GEMIN2: variants seen among roughly 807,000 people sequenced by gnomAD.
GEMIN2 encodes the protein gem nuclear organelle associated protein 2.
In GEMIN2, 37 loss-of-function variants were observed where a neutral mutation model predicts 45.8. That is an observed-to-expected ratio of 0.81 (90% confidence interval 0.62 to 1.06). The LOEUF (loss-of-function observed/expected upper bound fraction) is 1.06, where lower values mean the gene tolerates loss of function less well. GEMIN2 is among the 50% of genes least tolerant of loss of function. GEMIN2 has a pLI of 0.00. For synonymous variants in GEMIN2, 101 were observed against 111.5 expected, an observed-to-expected ratio of 0.91 and a Z score of 0.60; for missense variants, 335 against 321.8, an observed-to-expected ratio of 1.04 and a Z score of -0.31.
intron 8 of GEMIN2, 86 bp from the exon 9 acceptor site, chr14:39,133,575 G>A: frequency 1.5e-6 from 1 of 659,462 alleles, no homozygotes; most frequent in Non-Finnish European, 2.4e-6. Context: ...AAGTTTTCAT[G>A]TTTCGTGTTT....
At chr14:39,133,771 T>A in intron 9 of GEMIN2, 52 bp downstream of exon 9, 1 of 984,760 alleles carries the variant, frequency 1.0e-6, no homozygotes, top group East Asian at 2.7e-5. Context: ...TCAGTGAGGT[T>A]AGATCGTATT....
intron 5 of GEMIN2, among the ~76,000 whole-genome samples, chr14:39,123,003 T>C (rs994303593): frequency 2.0e-5 from 3 of 152,124 alleles, no homozygotes; most frequent in Admixed American, 6.6e-5. Flanking sequence ...TCGACACAAT[T>C]AGATGCTTTA....
intron 7 of GEMIN2, among the ~76,000 whole-genome samples, chr14:39,131,579 AT>A (rs1331287782): frequency 6.6e-6 from 1 of 152,246 alleles, no homozygotes; most frequent in Non-Finnish European, 1.5e-5. Context: ...AAATTATACA[AT>A]TATAAAATGA....
chr14:39,121,407 G>C (rs532704905), intron 4 of GEMIN2, among the ~76,000 whole-genome samples: 2 of 152,290 alleles, frequency 1.3e-5, no homozygotes, highest in African/African-American at 4.8e-5. Context: ...GGTGGCACAT[G>C]CCTGTAGTCC....
chr14:39,123,387 C>T (rs1424180222), intron 5 of GEMIN2, among the ~76,000 whole-genome samples: 1 of 151,776 alleles, frequency 6.6e-6, no homozygotes, highest in Non-Finnish European at 1.5e-5. Context: ...AAAAAATAGC[C>T]AAAGGATATA....
chr14:39,118,563 C>G lies in GEMIN2; in HGVS notation c.336C>G (p.His112Gln), dbSNP rs2052538021. Residue 112 changes from histidine (H) to glutamine (Q), a missense_variant, in exon 4 of 10, where the codon CAC becomes CAG. Transcript: ENST00000308317. ...VRQNVNKHRS[H>Q]WKSQQLDSNV... ...AGAATGTGAACAAACATAGAAGTCA[C>G]TGGAAATCACAACAGTTGGATAGTA... is the stretch of plus-strand genomic sequence containing the variant. 1 of 1,505,336 alleles carries G rather than the reference C, an allele frequency of 6.6e-7. No individual in the cohort carries two copies. Among genetic ancestry groups the G allele is most frequent in the Middle Eastern group, 1.8e-4 (1 of 5,696 alleles). 93.2% of individuals were successfully genotyped at this position (1,505,336 alleles called of 1,614,324 possible).
chr14:39,133,740 C>T, intron 9 of GEMIN2, 21 bp downstream of exon 9: 2 of 1,353,772 alleles, frequency 1.5e-6, no homozygotes, highest in Non-Finnish European at 2.0e-6. Context: ...TCCTTGGCTT[C>T]TTTATTATTT....
At chr14:39,125,404 T>C (rs2052626470) in intron 6 of GEMIN2, among the ~76,000 whole-genome samples, 1 of 152,144 alleles carries the variant, frequency 6.6e-6, no homozygotes, top group South Asian at 2.1e-4. Context: ...GGGTTTGAAT[T>C]AAATACAAGG....
At chr14:39,135,375 C>G (rs192190386) in intron 9 of GEMIN2, among the ~76,000 whole-genome samples, 20 of 152,104 alleles carry the variant, frequency 1.3e-4, no homozygotes, top group Admixed American at 3.9e-4. Flanking sequence ...CACCTTAAGT[C>G]AGGAGTTCAA....
intron 6 of GEMIN2, 110 bp from the exon 7 acceptor site, chr14:39,128,170 G>A: frequency 1.5e-6 from 1 of 671,430 alleles, no homozygotes; most frequent in Non-Finnish European, 2.6e-6. Context: ...TAAAGAATGA[G>A]GCCATTTTTA....
intron 2 of GEMIN2, among the ~76,000 whole-genome samples, chr14:39,115,189 T>C (rs1411226414): frequency 6.6e-6 from 1 of 151,766 alleles, no homozygotes; most frequent in Non-Finnish European, 1.5e-5. Context: ...GTTACTTATG[T>C]TATCTTTTAT....
At chr14:39,126,849 T>G (rs1202633515) in intron 6 of GEMIN2, among the ~76,000 whole-genome samples, 1 of 152,154 alleles carries the variant, frequency 6.6e-6, no homozygotes, top group Non-Finnish European at 1.5e-5. Context: ...CACTGCAACC[T>G]CCACCTCCCA....
intron 6 of GEMIN2, among the ~76,000 whole-genome samples, chr14:39,125,744 G>A (rs538322453): frequency 3.9e-5 from 6 of 152,164 alleles, no homozygotes; most frequent in Non-Finnish European, 5.9e-5. Context: ...AATATGGGCC[G>A]GGCGCGGTGG....
At chr14:39,128,482 T>TTTA in intron 7 of GEMIN2, 134 bp downstream of exon 7, 5 of 373,584 alleles carry the variant, frequency 1.3e-5, no homozygotes, top group African/African-American at 3.0e-5. Context: ...CTTTTTTTCT[T>TTTA]TTCTTTTTTT....
At chr14:39,122,409 G>GTTT (rs60205535) in intron 4 of GEMIN2, 21 bp from the exon 5 acceptor site, 1,600 of 1,025,546 alleles carry the variant, frequency 1.6e-3, no homozygotes, top group South Asian at 2.1e-3. Context: ...GAATAAATCA[G>GTTT]TTTTTTTTTT....
At chr14:39,129,714 G>GTATTTA (rs141019954) in intron 7 of GEMIN2, among the ~76,000 whole-genome samples, 35 of 151,642 alleles carry the variant, frequency 2.3e-4, no homozygotes, top group Admixed American at 7.3e-4. Flanking sequence ...CACCCAGCCA[G>GTATTTA]TATTTATATT....
chr14:39,114,983 T>TCCCC, intron 2 of GEMIN2, 70 bp downstream of exon 2: 2 of 765,176 alleles, frequency 2.6e-6, no homozygotes, highest in Non-Finnish European at 4.7e-6. Context: ...CTTCCTATAG[T>TCCCC]ATCTGACAGC....
At chr14:39,115,737 G>A (rs936083777) in intron 2 of GEMIN2, among the ~76,000 whole-genome samples, 12 of 152,090 alleles carry the variant, frequency 7.9e-5, no homozygotes, top group African/African-American at 2.7e-4. Context: ...TTACAGGTGT[G>A]AGCCACCATA....
In GEMIN2 at chr14:39,128,271, T is replaced by A. The variant is rs752581858; in HGVS notation, c.532-9T>A. 3.3e-6 allele frequency: 5 copies of A among 1,504,124 alleles called. No individual in the cohort carries two copies. The highest frequency in any genetic ancestry group is 3.6e-6 in the Non-Finnish European group (4 of 1,095,950). 93.2% of individuals were successfully genotyped at this position (1,504,124 alleles called of 1,614,324 possible). On this transcript the variant is annotated splice_polypyrimidine_tract_variant and intron_variant, in intron 6 of 9. Coordinates refer to ENST00000308317, the MANE Select transcript of GEMIN2 (RefSeq NM_003616.3). The stretch of plus-strand genomic sequence containing the variant: ...ACAACTCTTCTCCACCCCCTCTTTT[T>A]TTTTTTAGGCAACAGTAACTAGTGT...
Sources: gnomAD v4.1 joint callset for allele counts (sites outside exome capture counted in the v4.1 genomes callset) on GRCh38, gnomAD v4.1.1 for gene constraint, MANE v1.5 for transcripts, NCBI Gene and HGNC (gene_info 2026-07-23, HGNC 2026-07-21) for gene names.